TAFA1: variants seen among roughly 807,000 people sequenced by gnomAD.
TAFA1 encodes TAFA chemokine like family member 1.
Under a neutral mutation model 18.5 loss-of-function variants are expected in TAFA1, and 4 were observed. The observed-to-expected ratio is 0.22, with a 90% CI of 0.11 to 0.49. The LOEUF is 0.49. Ranked by LOEUF, TAFA1 falls within the 20% of genes least tolerant of loss-of-function variation. TAFA1 has a pLI of 0.98. For missense variants in TAFA1, 147 were observed against 169.0 expected, an observed-to-expected ratio of 0.87 and a Z score of 0.72; for synonymous variants, 56 against 55.2, an observed-to-expected ratio of 1.01 and a Z score of -0.06.
chr3:68,419,592 A>G (rs754676780), intron 3 of TAFA1, among the ~76,000 whole-genome samples: 1 of 152,158 alleles, frequency 6.6e-6, no homozygotes, highest in Non-Finnish European at 1.5e-5. Flanking sequence ...CAAATCCTTT[A>G]TTTAAGAAAT....
At chr3:68,523,076 C>CA (rs112026876) in intron 3 of TAFA1, among the ~76,000 whole-genome samples, 1,463 of 114,078 alleles carry the variant, frequency 0.013, 24 homozygotes, top group African/African-American at 0.039. Flanking sequence ...GACTCCGTCT[C>CA]AAAAAATAAA....
intron 2 of TAFA1, among the ~76,000 whole-genome samples, chr3:68,221,167 T>A (rs1319195276): frequency 6.6e-6 from 1 of 152,232 alleles, no homozygotes; most frequent in African/African-American, 2.4e-5. Context: ...TAGACCATTT[T>A]GGTCCAGTAA....
intron 2 of TAFA1, among the ~76,000 whole-genome samples, chr3:68,131,479 T>G (rs2065536541): frequency 6.6e-6 from 1 of 152,194 alleles, no homozygotes; most frequent in Non-Finnish European, 1.5e-5. Flanking sequence ...CTTATTTTTA[T>G]TTTTAGACTC....
chr3:68,067,856 C>G (rs540438814), intron 2 of TAFA1, among the ~76,000 whole-genome samples: 2 of 151,906 alleles, frequency 1.3e-5, no homozygotes, highest in South Asian at 2.1e-4. Context: ...CCCTACTGTC[C>G]AGGAGTAGTA....
intron 2 of TAFA1, among the ~76,000 whole-genome samples, chr3:68,343,211 C>T (rs1473776844): frequency 1.3e-5 from 2 of 152,158 alleles, no homozygotes; most frequent in African/African-American, 4.8e-5. Flanking sequence ...AATAATGTTA[C>T]ATCTCAAGCA....
chr3:68,323,166 T>A (rs1326049118), intron 2 of TAFA1, among the ~76,000 whole-genome samples: 2 of 152,226 alleles, frequency 1.3e-5, no homozygotes, highest in African/African-American at 4.8e-5. Flanking sequence ...CTGGCTTTGG[T>A]ATGACCAGGG....
chr3:68,195,501 T>TA (rs1332664288), intron 2 of TAFA1, among the ~76,000 whole-genome samples: 4 of 151,142 alleles, frequency 2.6e-5, no homozygotes, highest in African/African-American at 9.7e-5. Context: ...AAACCAGGGG[T>TA]AACTGCCCCA....
At chr3:68,493,163 G>A (rs547751113) in intron 3 of TAFA1, among the ~76,000 whole-genome samples, 9 of 151,922 alleles carry the variant, frequency 5.9e-5, no homozygotes, top group East Asian at 3.9e-4. Flanking sequence ...CCTCTTCCTC[G>A]TCTCAGCAAC....
chr3:68,440,196 A>C lies in TAFA1; in HGVS notation c.259+22776A>C, dbSNP rs147121361. On this transcript the variant is annotated intron_variant, in intron 3 of 4. Transcript: ENST00000478136. Reference sequence around the variant, plus strand: ...TCTCAAAAGAGCTGATGGCTTTAAAAACAGAAGTTTCCCTGCACGAACTCT... The same window carrying C: ...TCTCAAAAGAGCTGATGGCTTTAAACACAGAAGTTTCCCTGCACGAACTCT... 3.5e-4 allele frequency among the ~76,000 whole-genome samples: 53 copies of C among 152,182 alleles called. No homozygotes were observed. In the South Asian group the frequency reaches 8.7e-3, roughly 25 times the overall value.
At chr3:68,146,894 A>T (rs1408245838) in intron 2 of TAFA1, among the ~76,000 whole-genome samples, 1 of 152,102 alleles carries the variant, frequency 6.6e-6, no homozygotes. Context: ...TATACAATAG[A>T]TTTCTTATTT....
chr3:68,516,064 A>T (rs946427364), intron 3 of TAFA1, among the ~76,000 whole-genome samples: 12 of 152,204 alleles, frequency 7.9e-5, no homozygotes, highest in African/African-American at 2.7e-4. Flanking sequence ...ATGAGAGAGT[A>T]CCTCTATGCA....
At chr3:68,436,304 A>G (rs2071267815) in intron 3 of TAFA1, among the ~76,000 whole-genome samples, 1 of 152,172 alleles carries the variant, frequency 6.6e-6, no homozygotes, top group African/African-American at 2.4e-5. Flanking sequence ...AACAGTATCT[A>G]CCTTATATGA....
intron 2 of TAFA1, among the ~76,000 whole-genome samples, chr3:68,374,898 T>C (rs188898252): frequency 2.6e-5 from 4 of 152,142 alleles, no homozygotes; most frequent in African/African-American, 7.2e-5. Flanking sequence ...TTTCAACACC[T>C]CTTATCTCTT....
chr3:68,247,068 C>T (rs1013975502), intron 2 of TAFA1, among the ~76,000 whole-genome samples: 2 of 150,526 alleles, frequency 1.3e-5, no homozygotes, highest in Admixed American at 6.6e-5. Flanking sequence ...TAGTAAACAT[C>T]GATGTATTAT....
intron 2 of TAFA1, among the ~76,000 whole-genome samples, chr3:68,114,249 G>A (rs1353474456): frequency 6.6e-6 from 1 of 152,096 alleles, no homozygotes; most frequent in Admixed American, 6.5e-5. Context: ...ACATGTGAGT[G>A]AGGCCGTCCT....
Position 68,524,686 on chromosome 3 carries a change from T to C in TAFA1, c.260-14070T>C, listed in dbSNP as rs924457321. On this transcript the variant is annotated intron_variant, in intron 3 of 4. Transcript: ENST00000478136. Reference sequence around the variant, plus strand: ...GTTTTTGTTTTTGTTTTTGTTTTTTTTTGAGACTGAGTCTCCCTCTGTCGC... The same window carrying C: ...GTTTTTGTTTTTGTTTTTGTTTTTTCTTGAGACTGAGTCTCCCTCTGTCGC... 4.6e-5 allele frequency among the ~76,000 whole-genome samples: 7 copies of C among 152,180 alleles called. No individual in the cohort carries two copies. In the East Asian group the frequency reaches 9.7e-4, roughly 21 times the overall value.
intron 2 of TAFA1, among the ~76,000 whole-genome samples, chr3:68,387,795 A>G (rs530693461): frequency 1.3e-5 from 2 of 152,238 alleles, no homozygotes; most frequent in African/African-American, 2.4e-5. Flanking sequence ...TTCCCCCTTC[A>G]TGGTGGAGGA....
At chr3:68,346,460 G>A (rs2069165326) in intron 2 of TAFA1, among the ~76,000 whole-genome samples, 1 of 152,154 alleles carries the variant, frequency 6.6e-6, no homozygotes, top group African/African-American at 2.4e-5. Context: ...ATATTCAGGA[G>A]CAGATGTGCT....
chr3:68,173,328 A>C (rs1051847907), intron 2 of TAFA1, among the ~76,000 whole-genome samples: 26 of 147,300 alleles, frequency 1.8e-4, no homozygotes, highest in African/African-American at 6.2e-4. Context: ...TATATAAATA[A>C]ATATATATTC....
Sources: allele counts gnomAD v4.1 joint callset (sites outside exome capture counted in the v4.1 genomes callset), GRCh38; gene constraint gnomAD v4.1.1; transcripts MANE v1.5; gene names NCBI Gene and HGNC (gene_info 2026-07-23, HGNC 2026-07-21).